CCDC148: variants seen among roughly 807,000 people sequenced by gnomAD.
The protein encoded by CCDC148 is coiled-coil domain-containing protein 148.
CCDC148 carries 89 observed loss-of-function variants against 85.7 expected under a neutral mutation model. That is an observed-to-expected ratio of 1.04 (90% CI 0.87 to 1.24). CCDC148 has a LOEUF of 1.24. CCDC148 is among the 50% of genes most tolerant of loss of function. The pLI is 0.00. For synonymous variants in CCDC148, 230 were observed against 213.9 expected (o/e 1.08, Z -0.66); for missense variants, 692 against 671.7 (o/e 1.03, Z -0.33).
intron 11 of CCDC148, among the ~76,000 whole-genome samples, chr2:158,186,423 G>A (rs1685158402): frequency 6.6e-6 from 1 of 152,028 alleles, no homozygotes; most frequent in African/African-American, 2.4e-5. Flanking sequence ...CACAAGTCTA[G>A]GAAGCGTCAT....
At chr2:158,343,780 C>T (rs1361127209) in intron 3 of CCDC148, among the ~76,000 whole-genome samples, 1 of 152,132 alleles carries the variant, frequency 6.6e-6, no homozygotes, top group Non-Finnish European at 1.5e-5. Flanking sequence ...CTTTTAGTTG[C>T]ACCGAACACA....
chr2:158,348,328 T>G (rs1420337963), intron 2 of CCDC148, among the ~76,000 whole-genome samples: 1 of 151,916 alleles, frequency 6.6e-6, no homozygotes, highest in Admixed American at 6.6e-5. Context: ...AAAAACATGT[T>G]GAATGACACC....
chr2:158,375,580 T>A (rs764869837), intron 1 of CCDC148, among the ~76,000 whole-genome samples: 4 of 152,148 alleles, frequency 2.6e-5, no homozygotes, highest in Non-Finnish European at 5.9e-5. Flanking sequence ...AGCTAGGTAC[T>A]AATATTCATT....
intron 10 of CCDC148, among the ~76,000 whole-genome samples, chr2:158,225,231 G>A (rs1277973414): frequency 2.0e-5 from 3 of 152,082 alleles, no homozygotes; most frequent in Non-Finnish European, 4.4e-5. Context: ...ATAGTAAAGG[G>A]ATCAATTCAA....
At chr2:158,204,147 G>A (rs932484771) in intron 11 of CCDC148, among the ~76,000 whole-genome samples, 6 of 152,162 alleles carry the variant, frequency 3.9e-5, no homozygotes, top group South Asian at 2.1e-4. Context: ...GTAGGATGGT[G>A]AAGACAGATG....
At position 158,338,120 on chromosome 2, in the gene CCDC148, C is replaced by T. The variant is rs370809189; in HGVS notation, c.764+606G>A. On this transcript the variant is annotated intron_variant, in intron 7 of 13. Coordinates refer to ENST00000283233, the MANE Select transcript of CCDC148 (RefSeq NM_138803.4). ...TTGATCTAGTTCAGAGTGGTGTATCCGGATTTGTCATCTAAGTGAATTTTA... is the reference window on the plus strand; with the variant it reads ...TTGATCTAGTTCAGAGTGGTGTATCTGGATTTGTCATCTAAGTGAATTTTA... Among the ~76,000 whole-genome samples, 14 of 152,042 alleles carry T rather than the reference C, an allele frequency of 9.2e-5. 2 individuals are homozygous for T. Among genetic ancestry groups the T allele is most frequent in the Admixed American group, 6.6e-4 (10 of 15,254 alleles).
intron 10 of CCDC148, among the ~76,000 whole-genome samples, chr2:158,248,831 T>C (rs1443300485): frequency 6.6e-6 from 1 of 152,126 alleles, no homozygotes; most frequent in Non-Finnish European, 1.5e-5. Context: ...CAGGCCTAAG[T>C]GTCCTTGTTT....
Position 158,228,757 on chromosome 2 carries a change from A to G in CCDC148, c.1252-8044T>C, listed in dbSNP as rs1574449380. 2.1e-5 allele frequency among the ~76,000 whole-genome samples: 3 copies of G among 143,438 alleles called. No homozygotes were observed. The East Asian group carries it at 6.9e-4, about 33-fold the overall frequency. 94.1% of individuals were successfully genotyped at this position (143,438 alleles called of 152,430 possible). A position where few individuals can be genotyped will look rare whatever the true frequency, so the allele number is the denominator to read the frequency against. ...CTCACTCATAGGTGGGAATTGAACA[A>G]TGAGAACACATGGACACAGAAAGGG... On this transcript the variant is annotated intron_variant, in intron 10 of 13. Transcript: ENST00000283233.
chr2:158,258,338 C>G (rs537290787), intron 9 of CCDC148, among the ~76,000 whole-genome samples: 93 of 151,912 alleles, frequency 6.1e-4, no homozygotes, highest in South Asian at 2.1e-3. Context: ...TAAAGACCAA[C>G]GTTTTTATGT....
At chr2:158,448,111 G>A (rs1355857351) in intron 1 of CCDC148, among the ~76,000 whole-genome samples, 1 of 151,916 alleles carries the variant, frequency 6.6e-6, no homozygotes, top group Non-Finnish European at 1.5e-5. Context: ...AATTATTCCA[G>A]TAGTATTTCT....
intron 1 of CCDC148, among the ~76,000 whole-genome samples, chr2:158,406,561 A>C (rs1686007087): frequency 6.6e-6 from 1 of 150,474 alleles, no homozygotes; most frequent in Admixed American, 6.6e-5. Flanking sequence ...TTCGGTAAGT[A>C]ATTTTAAAGT....
chr2:158,223,734 C>A (rs972224003), intron 10 of CCDC148, among the ~76,000 whole-genome samples: 1 of 152,170 alleles, frequency 6.6e-6, no homozygotes, highest in Non-Finnish European at 1.5e-5. Context: ...CTCCAGCAAA[C>A]TCCAACAGAC....
chr2:158,216,804 T>C (rs761235808), intron 11 of CCDC148, among the ~76,000 whole-genome samples: 1 of 152,166 alleles, frequency 6.6e-6, no homozygotes. Flanking sequence ...TATTTTGTGA[T>C]GTAAAAGTCA....
intron 9 of CCDC148, among the ~76,000 whole-genome samples, chr2:158,298,857 G>A (rs1691314487): frequency 6.6e-6 from 1 of 152,082 alleles, no homozygotes; most frequent in African/African-American, 2.4e-5. Flanking sequence ...TAATCTCTGA[G>A]ACAGTTTCTT....
intron 2 of CCDC148, among the ~76,000 whole-genome samples, chr2:158,349,750 T>C (rs1683168646): frequency 6.6e-6 from 1 of 151,938 alleles, no homozygotes; most frequent in African/African-American, 2.4e-5. Context: ...AATCCAGATA[T>C]AATAAAAAAT....
At chr2:158,435,542 A>G (rs548522789) in intron 1 of CCDC148, among the ~76,000 whole-genome samples, 10 of 152,236 alleles carry the variant, frequency 6.6e-5, no homozygotes, top group African/African-American at 1.4e-4. Flanking sequence ...TGTAAAGACC[A>G]TCAATGCTAG....
intron 11 of CCDC148, among the ~76,000 whole-genome samples, chr2:158,199,857 A>G (rs1685863505): frequency 6.6e-6 from 1 of 152,244 alleles, no homozygotes; most frequent in Non-Finnish European, 1.5e-5. Flanking sequence ...TGATAATTAA[A>G]GATTGGTGCT....
intron 1 of CCDC148, among the ~76,000 whole-genome samples, chr2:158,384,913 A>G (rs1685022315): frequency 6.6e-6 from 1 of 152,192 alleles, no homozygotes; most frequent in African/African-American, 2.4e-5. Context: ...TCAGCATATC[A>G]CCAGCCTGAG....
At chr2:158,444,048 T>C (rs904429162) in intron 1 of CCDC148, among the ~76,000 whole-genome samples, 5 of 152,242 alleles carry the variant, frequency 3.3e-5, no homozygotes, top group Non-Finnish European at 7.3e-5. Flanking sequence ...AATAATATTT[T>C]AGAGTAATAG....
Sources: allele counts gnomAD v4.1 joint callset (sites outside exome capture counted in the v4.1 genomes callset), GRCh38; gene constraint gnomAD v4.1.1; transcripts MANE v1.5; gene names NCBI Gene and HGNC (gene_info 2026-07-23, HGNC 2026-07-21).